The following PACRG variants were observed in gnomAD, a reference collection of about 807,000 sequenced individuals.
PACRG encodes parkin coregulated gene protein.
A neutral mutation model predicts 29.7 loss-of-function variants in PACRG; 29 were observed. The observed-to-expected ratio is 0.98, with a 90% CI of 0.73 to 1.33. PACRG has a LOEUF of 1.33. PACRG is among the 40% of genes most tolerant of loss of function. PACRG has a pLI of 0.00. For synonymous variants in PACRG, 116 were observed against 118.7 expected (o/e 0.98, Z 0.15); for missense variants, 279 against 316.2 (o/e 0.88, Z 0.89).
At chr6:163,295,035 T>C (rs552669496) in intron 4 of PACRG, among the ~76,000 whole-genome samples, 1 of 152,288 alleles carries the variant, frequency 6.6e-6, no homozygotes, top group Non-Finnish European at 1.5e-5. Context: ...TGGGGATTAA[T>C]GAGAATTCAA....
chr6:163,116,051 G>A (rs1815974156), intron 4 of PACRG, among the ~76,000 whole-genome samples: 1 of 152,194 alleles, frequency 6.6e-6, no homozygotes, highest in African/African-American at 2.4e-5. Context: ...GAAACTTCCT[G>A]AGGGGTGTAT....
At chr6:163,113,252 C>A (rs1006326875) in intron 4 of PACRG, among the ~76,000 whole-genome samples, 2 of 152,026 alleles carry the variant, frequency 1.3e-5, no homozygotes, top group Admixed American at 1.3e-4. Context: ...GAGTGAGGGA[C>A]CTGTGGAACA....
At position 162,762,084 on chromosome 6, in the gene PACRG, T is replaced by C. The variant is rs111389904; in HGVS notation, c.156+33693T>C. On this transcript the variant is annotated intron_variant, in intron 1 of 4. Transcript: ENST00000366888. ...GCAGGGAGCTCTGCTGTCATGTTCA[T>C]TGTATCACCATCCTTGATGACATTA... Among the ~76,000 whole-genome samples the C allele has an allele frequency of 1.7e-3, 259 of 152,052 alleles. 1 individual carries two copies. The highest frequency in any genetic ancestry group is 5.8e-3 in the African/African-American group (242 of 41,512).
At chr6:163,099,555 A>G (rs1458212568) in intron 4 of PACRG, among the ~76,000 whole-genome samples, 1 of 152,218 alleles carries the variant, frequency 6.6e-6, no homozygotes, top group African/African-American at 2.4e-5. Flanking sequence ...TAAGTCCCCT[A>G]AAATATCACC....
chr6:162,908,029 G>A (rs574872725), intron 2 of PACRG, among the ~76,000 whole-genome samples: 66 of 152,112 alleles, frequency 4.3e-4, no homozygotes, highest in African/African-American at 1.5e-3. Flanking sequence ...AATTTTGAGA[G>A]TTATACATAC....
chr6:162,774,456 A>G (rs116167701), intron 1 of PACRG, among the ~76,000 whole-genome samples: 160 of 152,352 alleles, frequency 1.1e-3, no homozygotes, highest in African/African-American at 3.8e-3. Context: ...TTGTAATGCT[A>G]CGTAGTTATG....
intron 4 of PACRG, among the ~76,000 whole-genome samples, chr6:163,145,653 A>C (rs1272312116): frequency 6.6e-6 from 1 of 152,192 alleles, no homozygotes; most frequent in East Asian, 1.9e-4. Context: ...ACTACACAGG[A>C]CAGCGCCACC....
At chr6:163,160,698 T>A (rs6934197) in intron 4 of PACRG, among the ~76,000 whole-genome samples, 1 of 152,052 alleles carries the variant, frequency 6.6e-6, no homozygotes, top group Admixed American at 6.5e-5. Flanking sequence ...TTTGCCCCCA[T>A]AACTCAGTTT....
intron 3 of PACRG, among the ~76,000 whole-genome samples, chr6:163,073,963 G>A (rs1340950574): frequency 1.3e-5 from 2 of 152,152 alleles, no homozygotes; most frequent in East Asian, 1.9e-4. Context: ...ACCCTCATAT[G>A]CTGTTGGTGA....
intron 4 of PACRG, among the ~76,000 whole-genome samples, chr6:163,197,451 T>TTG (rs1780515173): frequency 2.1e-5 from 3 of 142,272 alleles, no homozygotes; most frequent in African/African-American, 7.9e-5. Context: ...TTTTTTTTTT[T>TTG]TTTTTTTTGT....
chr6:162,749,800 G>A (rs768227900), intron 1 of PACRG, among the ~76,000 whole-genome samples: 6 of 152,136 alleles, frequency 3.9e-5, no homozygotes, highest in Admixed American at 1.3e-4. Flanking sequence ...CATTATAGAC[G>A]TGAGCCACCG....
At chr6:162,809,967 G>A (rs1249475494) in intron 1 of PACRG, among the ~76,000 whole-genome samples, 3 of 152,190 alleles carry the variant, frequency 2.0e-5, no homozygotes, top group Admixed American at 1.3e-4. Flanking sequence ...TGACGAAAGA[G>A]TTGTCTCCTT....
chr6:162,728,098 A>G lies in PACRG; in HGVS notation c.-138A>G, dbSNP rs547447872. 2.8e-6 allele frequency: 3 copies of G among 1,057,970 alleles called. No homozygotes were observed. In the East Asian group the frequency reaches 7.1e-5, roughly 25 times the overall value. The allele number at this position is 1,057,970 out of a possible 1,614,324, so 65.5% of individuals were successfully genotyped here. On this transcript the variant is annotated 5_prime_UTR_variant, in exon 1 of 5. Transcript: ENST00000366888. ...TAGGAGCTGCCAAACATCTGGATCAACCTGGGCACTACGAGGGGTTGAATT... is the reference window on the plus strand; with the variant it reads ...TAGGAGCTGCCAAACATCTGGATCAGCCTGGGCACTACGAGGGGTTGAATT...
chr6:163,287,013 A>C (rs1487016841), intron 4 of PACRG, among the ~76,000 whole-genome samples: 1 of 151,894 alleles, frequency 6.6e-6, no homozygotes, highest in South Asian at 2.1e-4. Flanking sequence ...TACATATGTG[A>C]ATGTGTGTAT....
chr6:163,127,495 A>G (rs949356288), intron 4 of PACRG, among the ~76,000 whole-genome samples: 24 of 152,184 alleles, frequency 1.6e-4, no homozygotes, highest in Admixed American at 1.4e-3. Context: ...GCTTGTCTCT[A>G]GGTCTGCCGC....
At chr6:162,776,891 A>G (rs1488638752) in intron 1 of PACRG, among the ~76,000 whole-genome samples, 2 of 152,144 alleles carry the variant, frequency 1.3e-5, no homozygotes, top group Non-Finnish European at 2.9e-5. Context: ...TTAATAAGCT[A>G]GCATTAAAAG....
At chr6:162,852,239 A>T (rs1360250485) in intron 2 of PACRG, among the ~76,000 whole-genome samples, 1 of 152,164 alleles carries the variant, frequency 6.6e-6, no homozygotes, top group Non-Finnish European at 1.5e-5. Flanking sequence ...CTTCCCCCAG[A>T]ACTGGTGATT....
chr6:162,973,228 C>T lies in PACRG; in HGVS notation c.292-88922C>T, dbSNP rs115256061. On this transcript the variant is annotated intron_variant, in intron 2 of 4. Transcript: ENST00000366888. ...GCCCCAGCACTGACCAGTCATGAGGCAGCAGAGGAGTCACTGCCCCTCTCT... is the reference window on the plus strand; with the variant it reads ...GCCCCAGCACTGACCAGTCATGAGGTAGCAGAGGAGTCACTGCCCCTCTCT... Among the ~76,000 whole-genome samples, 1,307 of 152,316 alleles carry T rather than the reference C, an allele frequency of 8.6e-3. 14 individuals carry two copies. Among genetic ancestry groups the T allele is most frequent in the African/African-American group, 0.029 (1,204 of 41,572 alleles).
intron 2 of PACRG, among the ~76,000 whole-genome samples, chr6:162,816,262 C>T (rs1464065306): frequency 3.3e-5 from 5 of 152,124 alleles, no homozygotes; most frequent in Admixed American, 1.3e-4. Flanking sequence ...CATCTTATTC[C>T]GGAAGCTGTG....
Sources: gnomAD v4.1 joint callset for allele counts (sites outside exome capture counted in the v4.1 genomes callset) on GRCh38, gnomAD v4.1.1 for gene constraint, MANE v1.5 for transcripts, NCBI Gene and HGNC (gene_info 2026-07-23, HGNC 2026-07-21) for gene names.